The following ABTB2 variants were observed in gnomAD, a reference collection of about 807,000 sequenced individuals.
The protein encoded by ABTB2 is ankyrin repeat and BTB domain containing 2.
In ABTB2, 56 loss-of-function variants were observed where a neutral mutation model predicts 104.1. The ratio of observed to expected loss-of-function variants is 0.54; its 90% CI spans 0.43 to 0.67. The LOEUF (loss-of-function observed/expected upper bound fraction) is 0.67, where lower values mean the gene tolerates loss of function less well. Among genes scored for constraint, ABTB2 ranks in the 30% least tolerant of loss-of-function variants. The pLI is 0.00. For synonymous variants in ABTB2, 606 were observed against 608.2 expected (o/e 1.00, Z 0.05); for missense variants, 1,279 against 1,407.7 (o/e 0.91, Z 1.46).
At chr11:34,185,358 A>G (rs1302018008) in intron 3 of ABTB2, among the ~76,000 whole-genome samples, 1 of 152,250 alleles carries the variant, frequency 6.6e-6, no homozygotes, top group African/African-American at 2.4e-5. Flanking sequence ...GTGCAAGCTC[A>G]GAGGACAGGG....
chr11:34,223,472 A>C (rs1260994024), intron 1 of ABTB2, among the ~76,000 whole-genome samples: 20 of 152,136 alleles, frequency 1.3e-4, no homozygotes, highest in Admixed American at 1.3e-3. Context: ...CGTAATCATC[A>C]TTAGGAGCGT....
intron 3 of ABTB2, among the ~76,000 whole-genome samples, chr11:34,190,111 G>A (rs953719404): frequency 6.6e-6 from 1 of 152,172 alleles, no homozygotes; most frequent in Admixed American, 6.5e-5. Flanking sequence ...ATGGTGGCAT[G>A]TGCCTATAAT....
intron 1 of ABTB2, 87 bp from the exon 2 acceptor site, chr11:34,204,777 T>C (rs754588255): frequency 3.1e-5 from 44 of 1,411,406 alleles, no homozygotes; most frequent in Non-Finnish European, 3.9e-5. Context: ...GGCTCAGCCC[T>C]GCTCCCCTGC....
At chr11:34,261,285 T>C (rs1379478149) in intron 1 of ABTB2, among the ~76,000 whole-genome samples, 1 of 152,114 alleles carries the variant, frequency 6.6e-6, no homozygotes, top group Non-Finnish European at 1.5e-5. Flanking sequence ...TCAGCTTGAG[T>C]ACACAGTGTC....
At chr11:34,179,700 C>T (rs561307946) in intron 3 of ABTB2, among the ~76,000 whole-genome samples, 2 of 152,306 alleles carry the variant, frequency 1.3e-5, no homozygotes, top group South Asian at 2.1e-4. Flanking sequence ...TGCCAAAGTT[C>T]GTGGTTTTTA....
Position 34,165,294 on chromosome 11 carries a change from A to C in ABTB2, c.1818T>G (p.Tyr606Ter), listed in dbSNP as rs1263897935. Reference protein sequence around the residue: ...GSAVNGGEDSYAETPLQLASA... With the variant: ...GSAVNGGEDS ...AGGCCAGCTGCAGGGGCGTCTCCGC[A>C]TAGCTGTCCTCGCCGCCGTTCACTG... Residue 606 changes from tyrosine (Y) to a stop codon, truncating the protein, a stop_gained, in exon 8 of 17, where the codon TAT (tyrosine) becomes TAG (stop). Transcript: ENST00000435224. LOFTEE classifies it high-confidence loss of function. 6.4e-7 allele frequency: 1 copy of C among 1,569,956 alleles called. No individual in the cohort carries two copies. Among genetic ancestry groups the C allele is most frequent in the Admixed American group, 1.9e-5 (1 of 53,800 alleles).
intron 1 of ABTB2, among the ~76,000 whole-genome samples, chr11:34,263,327 T>G (rs1854210819): frequency 6.6e-6 from 1 of 152,104 alleles, no homozygotes; most frequent in Non-Finnish European, 1.5e-5. Flanking sequence ...TAACAAAGGC[T>G]CTGTGGGGGA....
chr11:34,352,820 C>G (rs1177845761), intron 1 of ABTB2, among the ~76,000 whole-genome samples: 4 of 152,202 alleles, frequency 2.6e-5, no homozygotes, highest in Non-Finnish European at 5.9e-5. Flanking sequence ...CTCTGGGAGG[C>G]TGAAGCGGGA....
At chr11:34,284,162 A>C (rs1342818491) in intron 1 of ABTB2, among the ~76,000 whole-genome samples, 1 of 152,226 alleles carries the variant, frequency 6.6e-6, no homozygotes, top group Non-Finnish European at 1.5e-5. Flanking sequence ...GTAAGGCCCA[A>C]TCCATGTCTC....
At chr11:34,286,328 T>C (rs1266655529) in intron 1 of ABTB2, among the ~76,000 whole-genome samples, 2 of 152,080 alleles carry the variant, frequency 1.3e-5, no homozygotes, top group African/African-American at 4.8e-5. Flanking sequence ...AGTCTTGCTC[T>C]GTTACCCAGG....
chr11:34,247,008 C>T (rs2755172), intron 1 of ABTB2, among the ~76,000 whole-genome samples: 104,997 of 151,494 alleles, frequency 0.69, 37,359 homozygotes, highest in Non-Finnish European at 0.78. Flanking sequence ...CCAACATGCC[C>T]GGCTAATTTT....
At chr11:34,340,010 A>C (rs948987199) in intron 1 of ABTB2, among the ~76,000 whole-genome samples, 3 of 151,912 alleles carry the variant, frequency 2.0e-5, no homozygotes, top group African/African-American at 7.3e-5. Flanking sequence ...CTTTATGATA[A>C]CTGCACAGTA....
chr11:34,343,073 A>G (rs1925367), intron 1 of ABTB2, among the ~76,000 whole-genome samples: 115,910 of 152,030 alleles, frequency 0.76, 45,395 homozygotes, highest in East Asian at 0.98. Context: ...GAGTTCAAGC[A>G]ATCCTGCTGC....
chr11:34,348,969 G>C (rs1297715314), intron 1 of ABTB2, among the ~76,000 whole-genome samples: 1 of 152,146 alleles, frequency 6.6e-6, no homozygotes, highest in Non-Finnish European at 1.5e-5. Flanking sequence ...GATGTAGCTG[G>C]CACTCAGTGA....
At chr11:34,300,987 A>T (rs1285316918) in intron 1 of ABTB2, among the ~76,000 whole-genome samples, 1 of 152,154 alleles carries the variant, frequency 6.6e-6, no homozygotes, top group Non-Finnish European at 1.5e-5. Flanking sequence ...CCGTGGGTAG[A>T]TATAATTGTC....
At chr11:34,332,817 T>TA (rs571303088) in intron 1 of ABTB2, among the ~76,000 whole-genome samples, 2,096 of 141,538 alleles carry the variant, frequency 0.015, 36 homozygotes, top group Admixed American at 0.064. Flanking sequence ...TGGTTTCAGT[T>TA]AAAAAAAAAA....
intron 1 of ABTB2, among the ~76,000 whole-genome samples, chr11:34,290,496 C>G (rs1854555206): frequency 6.6e-6 from 1 of 152,194 alleles, no homozygotes; most frequent in Non-Finnish European, 1.5e-5. Flanking sequence ...TCATTAACCA[C>G]ATATGGCAGA....
At position 34,357,880 on chromosome 11, in the gene ABTB2, C is replaced by A; in HGVS notation, c.-297G>T. ...CCTCTAATTCCCACAAGCAGAGAGT[C>A]AGTCCTCCACAGAGAAGGAATCCCG... On this transcript the variant is annotated 5_prime_UTR_variant, in exon 1 of 17. Coordinates refer to ENST00000435224, the MANE Select transcript of ABTB2 (RefSeq NM_145804.3). The A allele has an allele frequency of 2.9e-6, 1 of 341,708 alleles. No homozygotes were observed. The highest frequency in any genetic ancestry group is 7.6e-5 in the South Asian group (1 of 13,138). The allele number at this position is 341,708 out of a possible 1,614,324, so 21.2% of individuals were successfully genotyped here.
At chr11:34,243,215 A>G (rs1412802458) in intron 1 of ABTB2, among the ~76,000 whole-genome samples, 5 of 152,086 alleles carry the variant, frequency 3.3e-5, no homozygotes, top group African/African-American at 1.2e-4. Flanking sequence ...AGAACAAGCA[A>G]CCCATTTCAA....
Sources: allele counts gnomAD v4.1 joint callset (sites outside exome capture counted in the v4.1 genomes callset), GRCh38; gene constraint gnomAD v4.1.1; transcripts MANE v1.5; gene names NCBI Gene and HGNC (gene_info 2026-07-23, HGNC 2026-07-21).